Variants in ENO4 observed in about 807,000 individuals in gnomAD.
ENO4 encodes the protein 2-phospho-D-glycerate hydro-lyase.
In ENO4, 53 loss-of-function variants were observed where a neutral mutation model predicts 63.2. The ratio of observed to expected loss-of-function variants is 0.84; its 90% CI spans 0.67 to 1.05. ENO4 has a LOEUF of 1.05. Ranked by LOEUF, ENO4 falls within the 50% of genes least tolerant of loss-of-function variation. ENO4 has a pLI of 0.00. For missense variants in ENO4, 719 were observed against 772.0 expected, an observed-to-expected ratio of 0.93 and a Z score of 0.81; for synonymous variants, 266 against 283.8, an observed-to-expected ratio of 0.94 and a Z score of 0.63.
At chr10:116,854,585 C>G (rs965987202) in intron 1 of ENO4, among the ~76,000 whole-genome samples, 1 of 150,442 alleles carries the variant, frequency 6.6e-6, no homozygotes, top group Non-Finnish European at 1.5e-5. Context: ...AAAATTCAGC[C>G]CATGTCAGGT....
intron 10 of ENO4, among the ~76,000 whole-genome samples, chr10:116,892,629 G>C (rs1847373518): frequency 1.3e-5 from 2 of 152,118 alleles, no homozygotes; most frequent in African/African-American, 2.4e-5. Flanking sequence ...AAATGTAGTA[G>C]TTTTTCTTTC....
chr10:116,865,912 A>G (rs1369861175), intron 7 of ENO4, among the ~76,000 whole-genome samples: 2 of 152,190 alleles, frequency 1.3e-5, no homozygotes, highest in Non-Finnish European at 2.9e-5. Flanking sequence ...TTTTAAGTTT[A>G]CTACGTACCA....
chr10:116,893,131 T>C (rs1216425060), intron 10 of ENO4, among the ~76,000 whole-genome samples: 1 of 152,178 alleles, frequency 6.6e-6, no homozygotes, highest in East Asian at 1.9e-4. Context: ...ACAATTAATC[T>C]GGAGGAAGTT....
chr10:116,909,024 TTTTAG>T (rs1308167882), intron 10 of ENO4, among the ~76,000 whole-genome samples: 1 of 152,204 alleles, frequency 6.6e-6, no homozygotes, highest in African/African-American at 2.4e-5. Context: ...ACCAAGACTA[TTTTAG>T]TTATCTCTTT....
chr10:116,855,770 G>A lies in ENO4; in HGVS notation c.294+19G>A. 1.3e-6 allele frequency: 2 copies of A among 1,523,582 alleles called. 1 individual carries two copies. Among genetic ancestry groups the A allele is most frequent in the East Asian group, 4.9e-5 (2 of 40,624 alleles). The allele number at this position is 1,523,582 out of a possible 1,614,324, so 94.4% of individuals were successfully genotyped here. ...TCCCAAGGTATGAGGCAGTTTAAGT[G>A]TGTTCTTTAATGTCCTGGCCCCACT... On this transcript the variant is annotated intron_variant, in intron 2 of 13. Transcript: ENST00000341276.
chr10:116,849,849 C>T (rs1327189677), intron 1 of ENO4, 118 bp downstream of exon 1: 3 of 1,192,134 alleles, frequency 2.5e-6, no homozygotes, highest in African/African-American at 1.5e-5. Context: ...CCGCCCGGGC[C>T]CTGGGCCTGC....
chr10:116,900,321 T>G, intron 10 of ENO4: 1 of 568,022 alleles, frequency 1.8e-6, no homozygotes, highest in Non-Finnish European at 3.1e-6. Context: ...ACAAGCAAGA[T>G]GAGAAATAAA....
At chr10:116,865,690 G>C (rs1846532805) in intron 7 of ENO4, among the ~76,000 whole-genome samples, 1 of 152,160 alleles carries the variant, frequency 6.6e-6, no homozygotes, top group Non-Finnish European at 1.5e-5. Flanking sequence ...GTCTTGGCTT[G>C]GAAGGAGAGT....
intron 13 of ENO4, among the ~76,000 whole-genome samples, chr10:116,880,774 T>TA (rs1846983945): frequency 6.6e-6 from 1 of 152,192 alleles, no homozygotes; most frequent in Non-Finnish European, 1.5e-5. Context: ...TTCAAATAGG[T>TA]AAAATTATAC....
At chr10:116,909,356 C>A (rs1848099984) in intron 10 of ENO4, among the ~76,000 whole-genome samples, 1 of 152,164 alleles carries the variant, frequency 6.6e-6, no homozygotes, top group South Asian at 2.1e-4. Context: ...TTTTGGAAAA[C>A]TGAAGATGTC....
At chr10:116,863,264 G>A (rs1285089186) in intron 7 of ENO4, among the ~76,000 whole-genome samples, 1 of 151,860 alleles carries the variant, frequency 6.6e-6, no homozygotes, top group Non-Finnish European at 1.5e-5. Flanking sequence ...CGTATGAGTC[G>A]CCAGTTGTCC....
At chr10:116,889,308 G>C (rs191859830) in intron 10 of ENO4, among the ~76,000 whole-genome samples, 1 of 152,164 alleles carries the variant, frequency 6.6e-6, no homozygotes, top group Non-Finnish European at 1.5e-5. Flanking sequence ...AATTGTCCTG[G>C]AATTGTCTCA....
At chr10:116,850,091 C>T (rs1246768130) in intron 1 of ENO4, 2 of 405,290 alleles carry the variant, frequency 4.9e-6, no homozygotes, top group Non-Finnish European at 9.3e-6. Context: ...TAACACATAC[C>T]TTAATGCCCT....
At chr10:116,899,829 C>CA (rs953464483) in intron 10 of ENO4, among the ~76,000 whole-genome samples, 1 of 152,164 alleles carries the variant, frequency 6.6e-6, no homozygotes, top group Non-Finnish European at 1.5e-5. Context: ...GTTAGTGTAA[C>CA]AGAGTACTTA....
At chr10:116,886,126 A>G, downstream of ENO4, 4 of 607,156 alleles carry the variant, frequency 6.6e-6, no homozygotes, top group South Asian at 1.0e-4. Context: ...CCTCATCTTT[A>G]TAAAGATCAA....
chr10:116,855,425 G>A (rs753147674), intron 1 of ENO4, among the ~76,000 whole-genome samples, 198 bp from the exon 2 acceptor site: 1 of 152,114 alleles, frequency 6.6e-6, no homozygotes, highest in Admixed American at 6.5e-5. Flanking sequence ...TCCATATCTC[G>A]GTATGTAAGG....
At chr10:116,852,998 C>G (rs1846130439) in intron 1 of ENO4, among the ~76,000 whole-genome samples, 1 of 152,090 alleles carries the variant, frequency 6.6e-6, no homozygotes, top group Non-Finnish European at 1.5e-5. Flanking sequence ...TGGTCTGTTA[C>G]AAAGCAGTAG....
chr10:116,862,443 A>C (rs552838786), intron 6 of ENO4, among the ~76,000 whole-genome samples: 1 of 152,138 alleles, frequency 6.6e-6, no homozygotes, highest in African/African-American at 2.4e-5. Context: ...CCTGGGCAAC[A>C]GAGTGAAACT....
intron 2 of ENO4, 100 bp from the exon 3 acceptor site, chr10:116,856,392 T>C (rs1846258398): frequency 3.3e-6 from 3 of 904,756 alleles, no homozygotes; most frequent in Non-Finnish European, 4.9e-6. Context: ...CCCCTTGAAA[T>C]TGGTGGTAAA....
Sources: allele counts gnomAD v4.1 joint callset (sites outside exome capture counted in the v4.1 genomes callset), GRCh38; gene constraint gnomAD v4.1.1; transcripts MANE v1.5; gene names NCBI Gene and HGNC (gene_info 2026-07-23, HGNC 2026-07-21).